The following ARVCF variants were observed in gnomAD, a reference collection of about 807,000 sequenced individuals.
ARVCF encodes splicing regulator ARVCF.
Under a neutral mutation model 90.9 loss-of-function variants are expected in ARVCF, and 66 were observed. That is an observed-to-expected ratio of 0.73 (90% confidence interval 0.60 to 0.89). ARVCF has a LOEUF of 0.89. Ranked by LOEUF, ARVCF falls within the 40% of genes least tolerant of loss-of-function variation. ARVCF has a pLI of 0.00. For missense variants in ARVCF, 1,469 were observed against 1,382.3 expected (o/e 1.06, Z -1.00); for synonymous variants, 653 against 603.4 (o/e 1.08, Z -1.21).
chr22:19,973,249 A>G lies in ARVCF; in HGVS notation c.2308T>C (p.Cys770Arg). 1 of 1,610,404 alleles carries G rather than the reference A, an allele frequency of 6.2e-7. No individual in the cohort carries two copies. The highest frequency in any genetic ancestry group is 8.5e-7 in the Non-Finnish European group (1 of 1,179,180). Residue 770 changes from cysteine to arginine, a missense_variant, in exon 14 of 20, where the codon TGC (cysteine) becomes CGC (arginine). Cys to Arg is a radical substitution (Grantham distance 180). Transcript: ENST00000263207. ...NAQAPPRPGA[C>R]LEEDTVVAVL... is the part of the protein sequence containing the mutation. ...GCCACCACGGTGTCTTCCTCCAGGC[A>G]GGCCCCCGGTCGCGGCGGAGCCTGT... is the stretch of plus-strand genomic sequence containing the variant.
intron 2 of ARVCF, among the ~76,000 whole-genome samples, chr22:20,008,251 G>T (rs116595545): frequency 6.6e-6 from 1 of 152,198 alleles, no homozygotes; most frequent in African/African-American, 2.4e-5. Flanking sequence ...CCCCCTGCAG[G>T]CACACGGCGG....
Position 19,973,156 on chromosome 22 carries a change from G to A in ARVCF, c.2401C>T (p.Arg801Cys), listed in dbSNP as rs1418630599. 3 of 1,581,958 alleles carry A rather than the reference G, an allele frequency of 1.9e-6. No individual in the cohort carries two copies. Among genetic ancestry groups the A allele is most frequent in the South Asian group, 2.2e-5 (2 of 90,184 alleles). The change falls in exon 14 of 20, where the codon CGC becomes TGC. Residue 801 changes from arginine (R) to cysteine (C), a missense_variant. By Grantham distance (180) the Arg-to-Cys change is radical. Transcript: ENST00000263207. ...LDNARSLLQARGVPALVALVA... is the reference protein window; with the variant it reads ...LDNARSLLQACGVPALVALVA... The stretch of plus-strand genomic sequence containing the variant: ...AGAGCCACCAACGCTGGCACCCCGC[G>A]TGCCTGCAGGAGCGAGCGCGCGTTA...
downstream of ARVCF, chr22:19,969,576 A>G (rs529860138): frequency 2.6e-5 from 4 of 153,066 alleles, no homozygotes; most frequent in East Asian, 5.8e-4. Context: ...CCAAGGGCCC[A>G]GTTCCCAGGC....
rs560221743 is a variant in ARVCF at position 20,006,445 on chromosome 22, G to A, written c.-19+4010C>T. 7.7e-4 allele frequency among the ~76,000 whole-genome samples: 117 copies of A among 151,526 alleles called. No homozygotes were observed. In the South Asian group the frequency reaches 0.015, roughly 20 times the overall value. The stretch of plus-strand genomic sequence containing the variant: ...ACAAAAAAAATTAGCCGGGTGTGGC[G>A]GTGAGCGCCTGTAGTTCCAGCTACT... On this transcript the variant is annotated intron_variant, in intron 2 of 19. Coordinates refer to ENST00000263207, the MANE Select transcript of ARVCF (RefSeq NM_001670.3).
At chr22:20,013,143 C>A (rs1944897246) in intron 1 of ARVCF, among the ~76,000 whole-genome samples, 1 of 152,278 alleles carries the variant, frequency 6.6e-6, no homozygotes, top group Non-Finnish European at 1.5e-5. Flanking sequence ...AGGGAAGGTC[C>A]ATGCTGCTCA....
intron 5 of ARVCF, chr22:19,980,573 G>A (rs1013375755): frequency 3.3e-6 from 1 of 303,064 alleles, no homozygotes; most frequent in African/African-American, 2.2e-5. Flanking sequence ...TATGGCTGCT[G>A]GAGAGACCGT....
chr22:20,011,037 G>A (rs962648763), intron 1 of ARVCF, among the ~76,000 whole-genome samples: 1 of 152,230 alleles, frequency 6.6e-6, no homozygotes, highest in Non-Finnish European at 1.5e-5. Context: ...CAGGGAGGGC[G>A]GGGAAGCAGG....
At chr22:20,005,321 A>G (rs1156254957) in intron 2 of ARVCF, among the ~76,000 whole-genome samples, 1 of 152,166 alleles carries the variant, frequency 6.6e-6, no homozygotes, top group Non-Finnish European at 1.5e-5. Context: ...AGGGAAGAGC[A>G]AATCAAGGCT....
At chr22:19,977,838 G>T in intron 8 of ARVCF, 120 bp downstream of exon 8, 1 of 1,249,852 alleles carries the variant, frequency 8.0e-7, no homozygotes, top group Non-Finnish European at 1.1e-6. Context: ...GCCACACCCA[G>T]AACGCCACCC....
intron 2 of ARVCF, among the ~76,000 whole-genome samples, chr22:20,007,064 G>A (rs1393313921): frequency 6.6e-6 from 1 of 151,932 alleles, no homozygotes; most frequent in Non-Finnish European, 1.5e-5. Flanking sequence ...GACCAACCTG[G>A]GCAACATGGC....
chr22:19,976,531 G>C (rs988876115), intron 10 of ARVCF, among the ~76,000 whole-genome samples, 175 bp downstream of exon 10: 10 of 152,210 alleles, frequency 6.6e-5, no homozygotes, highest in African/African-American at 2.4e-4. Flanking sequence ...AGGTAGGCAA[G>C]TCTGAGGTTA....
chr22:19,979,860 G>C lies in ARVCF; in HGVS notation c.1279C>G (p.Leu427Val). 6 of 1,609,048 alleles carry C rather than the reference G, an allele frequency of 3.7e-6. No individual in the cohort carries two copies. The highest frequency in any genetic ancestry group is 5.1e-6 in the Non-Finnish European group (6 of 1,178,714). The change falls in exon 6 of 20, where the codon CTC becomes GTC. Residue 427 changes from leucine to valine, a missense_variant. Leu to Val is a conservative substitution (Grantham distance 32, BLOSUM62 1). Coordinates refer to ENST00000263207, the MANE Select transcript of ARVCF (RefSeq NM_001670.3). ...RRRACGALRN[L>V]SYGRDTDNKA... Reference sequence around the variant, plus strand: ...TTGTCAGTGTCGCGGCCATAGGAGAGGTTGCGCAGTGCCCCACAGGCCCGG... The same window carrying C: ...TTGTCAGTGTCGCGGCCATAGGAGACGTTGCGCAGTGCCCCACAGGCCCGG...
At chr22:19,996,585 C>T (rs1421270459) in intron 2 of ARVCF, among the ~76,000 whole-genome samples, 1 of 152,218 alleles carries the variant, frequency 6.6e-6, no homozygotes, top group Non-Finnish European at 1.5e-5. Context: ...GTATTTGTAA[C>T]ATACAACAAC....
chr22:19,993,129 G>A (rs1184894884), intron 2 of ARVCF, among the ~76,000 whole-genome samples: 2 of 152,154 alleles, frequency 1.3e-5, no homozygotes, highest in Admixed American at 6.5e-5. Context: ...CAGCCGCAGG[G>A]TGCACCCTGC....
At chr22:20,014,854 T>C (rs1364937866) in intron 1 of ARVCF, among the ~76,000 whole-genome samples, 4 of 152,102 alleles carry the variant, frequency 2.6e-5, no homozygotes, top group Admixed American at 2.0e-4. Context: ...CAGGCCAGAC[T>C]CCTGGGGTGA....
At chr22:20,009,299 C>G (rs1370100730) in intron 2 of ARVCF, among the ~76,000 whole-genome samples, 1 of 152,240 alleles carries the variant, frequency 6.6e-6, no homozygotes, top group South Asian at 2.1e-4. Flanking sequence ...CCAGCTCCCA[C>G]TAGGCTGGCC....
intron 2 of ARVCF, among the ~76,000 whole-genome samples, chr22:19,999,424 G>A (rs769499001): frequency 1.1e-4 from 17 of 152,156 alleles, no homozygotes; most frequent in Non-Finnish European, 1.2e-4. Context: ...GGGGCCAAGG[G>A]CTGCCCCCAC....
At chr22:19,978,724 G>T (rs1240975401) in intron 7 of ARVCF, among the ~76,000 whole-genome samples, 173 bp downstream of exon 7, 1 of 152,064 alleles carries the variant, frequency 6.6e-6, no homozygotes, top group Admixed American at 6.5e-5. Flanking sequence ...ACACCACTTG[G>T]GGGTGAGGAC....
downstream of ARVCF, chr22:19,967,353 G>A: frequency 5.3e-6 from 3 of 570,570 alleles, no homozygotes; most frequent in South Asian, 4.5e-5. Context: ...CTCCCGGGTG[G>A]CGCTTTGTTC....
Sources: gnomAD v4.1 joint callset for allele counts (sites outside exome capture counted in the v4.1 genomes callset) on GRCh38, gnomAD v4.1.1 for gene constraint, MANE v1.5 for transcripts, NCBI Gene and HGNC (gene_info 2026-07-23, HGNC 2026-07-21) for gene names.